Variants in NPR3 observed in about 807,000 individuals in gnomAD.
NPR3 encodes atrial natriuretic peptide receptor 3.
A neutral mutation model predicts 54.5 loss-of-function variants in NPR3; 34 were observed. That is an observed-to-expected ratio of 0.62 (90% confidence interval 0.47 to 0.83). The LOEUF (loss-of-function observed/expected upper bound fraction) is 0.83. NPR3 is among the 40% of genes least tolerant of loss of function. The probability of loss-of-function intolerance (pLI) is 0.00; values close to 1 mark genes in which losing one functional copy is unlikely to be tolerated. For synonymous variants in NPR3, 289 were observed against 297.1 expected (o/e 0.97, Z 0.28); for missense variants, 674 against 720.8 (o/e 0.94, Z 0.74).
chr5:32,704,209 C>G (rs1340321138), intron 1 of NPR3, among the ~76,000 whole-genome samples: 1 of 152,204 alleles, frequency 6.6e-6, no homozygotes, highest in African/African-American at 2.4e-5. Flanking sequence ...TCTCTCCACA[C>G]CACATGGCTG....
chr5:32,748,575 A>T (rs1291868075), intron 3 of NPR3, among the ~76,000 whole-genome samples: 8 of 152,196 alleles, frequency 5.3e-5, no homozygotes, highest in Non-Finnish European at 1.0e-4. Context: ...AGTGGGAGAA[A>T]TATCCTGGCT....
intron 2 of NPR3, among the ~76,000 whole-genome samples, chr5:32,726,813 A>G (rs979710583): frequency 6.6e-6 from 1 of 152,236 alleles, no homozygotes; most frequent in Non-Finnish European, 1.5e-5. Context: ...AGACAAAAGT[A>G]CACTGATAAT....
At position 32,768,789 on chromosome 5, in the gene NPR3, C is replaced by T. The variant is rs115514751; in HGVS notation, c.1060-5919C>T. 8.3e-3 allele frequency among the ~76,000 whole-genome samples: 1,257 copies of T among 152,288 alleles called. 12 individuals are homozygous for T. The highest frequency in any genetic ancestry group is 9.9e-3 in the Non-Finnish European group (672 of 68,028). ...TGCTACCAGTTCAGAGCTGAGTCCA[C>T]GATGGGGACAGTTATTTGGAAAACT... On this transcript the variant is annotated intron_variant, in intron 3 of 7. Coordinates refer to ENST00000265074, the MANE Select transcript of NPR3 (RefSeq NM_001204375.2).
chr5:32,724,726 C>T lies in NPR3; in HGVS notation c.798C>T (p.Thr266=). 1 of 1,613,906 alleles carries T rather than the reference C, an allele frequency of 6.2e-7. No homozygotes were observed. Among genetic ancestry groups the T allele is most frequent in the Non-Finnish European group, 8.5e-7 (1 of 1,179,882 alleles). The change falls in exon 2 of 8, where the codon ACC becomes ACT. Residue 266 remains threonine (T), a synonymous_variant. Transcript: ENST00000265074. ...RVVIMCASSD[T]IRSIMLVAHR... Reference sequence around the variant, plus strand: ...TGATCATGTGTGCGAGCAGTGACACCATCCGGAGCATCATGCTGGTGGCGC... The same window carrying T: ...TGATCATGTGTGCGAGCAGTGACACTATCCGGAGCATCATGCTGGTGGCGC...
chr5:32,734,063 A>C (rs1156741435), intron 2 of NPR3, among the ~76,000 whole-genome samples: 1 of 152,238 alleles, frequency 6.6e-6, no homozygotes, highest in African/African-American at 2.4e-5. Context: ...TAAAGAAAGA[A>C]ATACTGCAGG....
intron 1 of NPR3, among the ~76,000 whole-genome samples, chr5:32,704,368 CTTTGTGTGTGTGTG>C (rs1376057901): frequency 9.1e-6 from 1 of 110,068 alleles, no homozygotes; most frequent in African/African-American, 3.4e-5. Flanking sequence ...TCTTTTGGCT[CTTTGTGTGTGTGTG>C]TGTGTGTGTG....
intron 3 of NPR3, among the ~76,000 whole-genome samples, chr5:32,745,729 C>T (rs764727325): frequency 3.9e-5 from 6 of 152,172 alleles, no homozygotes; most frequent in Admixed American, 1.3e-4. Context: ...TGTAAGATAC[C>T]GATTTCTCTT....
chr5:32,766,423 T>TTG (rs1241528995), intron 3 of NPR3, among the ~76,000 whole-genome samples: 1 of 152,200 alleles, frequency 6.6e-6, no homozygotes, highest in East Asian at 1.9e-4. Context: ...GATTGTAGCA[T>TTG]TACATATGAC....
intron 1 of NPR3, among the ~76,000 whole-genome samples, chr5:32,702,730 ATG>A (rs1226912489): frequency 6.6e-6 from 1 of 152,098 alleles, no homozygotes; most frequent in African/African-American, 2.4e-5. Flanking sequence ...ATACGTGTGC[ATG>A]TGTCTTTACA....
Position 32,711,974 on chromosome 5 carries a change from G to C in NPR3, c.198G>C (p.Leu66Phe). The C allele has an allele frequency of 6.2e-7, 1 of 1,605,786 alleles. No homozygotes were observed. The highest frequency in any genetic ancestry group is 8.5e-7 in the Non-Finnish European group (1 of 1,175,998). Residue 66 changes from leucine to phenylalanine, a missense_variant, in exon 1 of 8, where the codon TTG becomes TTC. By Grantham distance (22) the Leu-to-Phe change is conservative. Transcript: ENST00000265074. ...LVLLPQDDSY[L>F]FSLTRVRPAI... is the part of the protein sequence containing the mutation. Reference sequence around the variant, plus strand: ...TACTGCCCCAGGATGACTCGTACTTGTTTTCACTCACCCGGGTGCGGCCGG... The same window carrying C: ...TACTGCCCCAGGATGACTCGTACTTCTTTTCACTCACCCGGGTGCGGCCGG...
chr5:32,711,507 A>C lies in NPR3; in HGVS notation c.-270A>C. 2.6e-6 allele frequency: 3 copies of C among 1,167,484 alleles called. No individual in the cohort carries two copies. The highest frequency in any genetic ancestry group is 3.2e-6 in the Non-Finnish European group (3 of 947,390). The allele number at this position is 1,167,484 out of a possible 1,614,324, so 72.3% of individuals were successfully genotyped here. A position where few individuals can be genotyped will look rare whatever the true frequency, so the allele number is the denominator to read the frequency against. On this transcript the variant is annotated 5_prime_UTR_variant, in exon 1 of 8. Transcript: ENST00000265074. ...GGAGGGCGAATATATACAAGTATAT[A>C]TATATGTATATTACAGACGCACAGG...
At chr5:32,753,284 G>A (rs545244243) in intron 3 of NPR3, among the ~76,000 whole-genome samples, 5 of 151,700 alleles carry the variant, frequency 3.3e-5, no homozygotes, top group African/African-American at 9.7e-5. Flanking sequence ...GCAATGCAGC[G>A]TGGGAATATG....
intron 3 of NPR3, among the ~76,000 whole-genome samples, chr5:32,756,447 GTTGT>G (rs1351809397): frequency 1.3e-5 from 2 of 152,160 alleles, no homozygotes; most frequent in Non-Finnish European, 2.9e-5. Context: ...TTTTGATGGG[GTTGT>G]TTGTTTTTTT....
chr5:32,754,553 C>A (rs533100006), intron 3 of NPR3, among the ~76,000 whole-genome samples: 5 of 152,158 alleles, frequency 3.3e-5, no homozygotes, highest in African/African-American at 1.2e-4. Flanking sequence ...AGCCCTCTTA[C>A]TGATCATAAA....
At chr5:32,770,599 A>T (rs1473444420) in intron 3 of NPR3, among the ~76,000 whole-genome samples, 2 of 152,114 alleles carry the variant, frequency 1.3e-5, no homozygotes, top group Non-Finnish European at 2.9e-5. Flanking sequence ...ACCAATAATG[A>T]TTACCCTGGA....
rs902283686 is a variant in NPR3, at chr5:32,712,260, G to T, written c.484G>T (p.Ala162Ser). The change falls in exon 1 of 8, where the codon GCT (alanine) becomes TCT (serine). Residue 162 changes from alanine to serine, a missense_variant. Transcript: ENST00000265074. Reference sequence around the variant, plus strand: ...CATGCTGTCGGCTGGGGCGCTGGCCGCTGGCTTCCAGCACAAGGACTCTGA... The same window carrying T: ...CATGCTGTCGGCTGGGGCGCTGGCCTCTGGCTTCCAGCACAAGGACTCTGA... ...LPMLSAGALA[A>S]GFQHKDSEYS... 1.2e-6 allele frequency: 2 copies of T among 1,612,542 alleles called. No individual in the cohort carries two copies. Among genetic ancestry groups the T allele is most frequent in the African/African-American group, 1.3e-5 (1 of 74,940 alleles).
At chr5:32,707,680 G>GC (rs1447263361), upstream of NPR3, among the ~76,000 whole-genome samples, 1 of 152,134 alleles carries the variant, frequency 6.6e-6, no homozygotes, top group Non-Finnish European at 1.5e-5. Flanking sequence ...TTTAGGGCTG[G>GC]CTCAACAAGG....
chr5:32,747,607 C>T (rs1191182450), intron 3 of NPR3, among the ~76,000 whole-genome samples: 1 of 151,954 alleles, frequency 6.6e-6, no homozygotes, highest in Non-Finnish European at 1.5e-5. Flanking sequence ...TTTTAAAACC[C>T]TTTATCTTCC....
At chr5:32,721,828 A>G (rs905844408) in intron 1 of NPR3, among the ~76,000 whole-genome samples, 1 of 152,206 alleles carries the variant, frequency 6.6e-6, no homozygotes, top group Non-Finnish European at 1.5e-5. Context: ...GAGGCTAGGA[A>G]GTCCAAGAGC....
Sources: allele counts gnomAD v4.1 joint callset (sites outside exome capture counted in the v4.1 genomes callset), GRCh38; gene constraint gnomAD v4.1.1; transcripts MANE v1.5; gene names NCBI Gene and HGNC (gene_info 2026-07-23, HGNC 2026-07-21).